The following MCC variants were observed in gnomAD, a reference collection of about 807,000 sequenced individuals.
MCC encodes MCC regulator of Wnt signaling pathway, also known as colorectal mutant cancer protein.
In MCC, 90 loss-of-function variants were observed where a neutral mutation model predicts 116.2. That is an observed-to-expected ratio of 0.77 (90% CI 0.65 to 0.92). MCC has a LOEUF of 0.92. MCC is among the 40% of genes least tolerant of loss of function. MCC has a pLI of 0.00. For missense variants in MCC, 1,516 were observed against 1,312.2 expected (o/e 1.16, Z -2.40); for synonymous variants, 578 against 510.5 (o/e 1.13, Z -1.78).
At chr5:113,473,289 C>T (rs1236102985) in intron 1 of MCC, among the ~76,000 whole-genome samples, 2 of 152,012 alleles carry the variant, frequency 1.3e-5, no homozygotes, top group Admixed American at 6.6e-5. Context: ...TTTGGGAGGA[C>T]AAGACAGGAG....
intron 3 of MCC, among the ~76,000 whole-genome samples, chr5:113,243,048 G>A (rs1000759649): frequency 1.3e-5 from 2 of 152,204 alleles, no homozygotes; most frequent in African/African-American, 2.4e-5. Context: ...AATATCCAAT[G>A]TAGTGGTCTA....
At chr5:113,145,828 A>C (rs1759484078) in intron 4 of MCC, among the ~76,000 whole-genome samples, 1 of 151,090 alleles carries the variant, frequency 6.6e-6, no homozygotes, top group African/African-American at 2.4e-5. Context: ...GGGGCTGCCC[A>C]GGATACCAGA....
chr5:113,346,616 AAC>A (rs1768139449), intron 2 of MCC, among the ~76,000 whole-genome samples: 2 of 63,944 alleles, frequency 3.1e-5, no homozygotes, highest in African/African-American at 2.9e-4. Flanking sequence ...ACAAACAAAC[AAC>A]AACAACAACA....
rs927878137 is a variant in MCC, at chr5:113,148,341, C to T, written c.741+2968G>A. On this transcript the variant is annotated intron_variant, in intron 4 of 18. Transcript: ENST00000408903. ...CCATCACATTGGTATTGGGCTCTTC[C>T]CTTCATATCACTATTTTCAAAACTC... 7.3e-5 allele frequency among the ~76,000 whole-genome samples: 11 copies of T among 151,078 alleles called. 1 individual carries two copies. In the Admixed American group the frequency reaches 7.3e-4, roughly 10 times the overall value.
intron 14 of MCC, among the ~76,000 whole-genome samples, chr5:113,057,104 C>T (rs1019051399): frequency 9.9e-5 from 15 of 151,982 alleles, no homozygotes; most frequent in African/African-American, 2.4e-4. Flanking sequence ...GCAGGGAGTG[C>T]GGCCAGCAGA....
At chr5:113,229,078 T>C (rs1245570462) in intron 3 of MCC, among the ~76,000 whole-genome samples, 1 of 152,180 alleles carries the variant, frequency 6.6e-6, no homozygotes, top group African/African-American at 2.4e-5. Flanking sequence ...CAGTATGGAC[T>C]TAGAGGTCAG....
intron 3 of MCC, among the ~76,000 whole-genome samples, chr5:113,186,071 G>A (rs1312269422): frequency 6.6e-6 from 1 of 152,064 alleles, no homozygotes; most frequent in Non-Finnish European, 1.5e-5. Flanking sequence ...CTAGTTTGTG[G>A]GACTGACTGA....
Position 113,025,630 on chromosome 5 carries a change from C to T in MCC, c.*1672G>A, listed in dbSNP as rs557859355. ...AAAAAATCACAGGAACTAACTTTGA[C>T]CAAATGATTGACAGAAACCAGTGAA... On this transcript the variant is annotated 3_prime_UTR_variant, in exon 19 of 19. Coordinates refer to ENST00000408903, the MANE Select transcript of MCC (RefSeq NM_001085377.2). 6.6e-6 allele frequency: 1 copy of T among 151,118 alleles called. No homozygotes were observed. The highest frequency in any genetic ancestry group is 2.1e-4 in the South Asian group (1 of 4,766). The allele number at this position is 151,118 out of a possible 1,614,324, so 9.4% of individuals were successfully genotyped here.
chr5:113,188,673 A>T (rs567348593), intron 3 of MCC, among the ~76,000 whole-genome samples: 1 of 152,318 alleles, frequency 6.6e-6, no homozygotes, highest in South Asian at 2.1e-4. Flanking sequence ...TGTAGTATGC[A>T]CACATCACCC....
chr5:113,267,120 T>C (rs971608189), intron 3 of MCC, among the ~76,000 whole-genome samples: 2 of 152,162 alleles, frequency 1.3e-5, no homozygotes, highest in Non-Finnish European at 2.9e-5. Flanking sequence ...CTCCCCTGTA[T>C]CCCAGGGCAC....
At chr5:113,375,419 C>G (rs1291607691) in intron 2 of MCC, among the ~76,000 whole-genome samples, 1 of 152,148 alleles carries the variant, frequency 6.6e-6, no homozygotes, top group Non-Finnish European at 1.5e-5. Flanking sequence ...GGATAATTCT[C>G]TATGTGTTTC....
intron 3 of MCC, among the ~76,000 whole-genome samples, chr5:113,240,834 G>T (rs1268061250): frequency 6.6e-6 from 1 of 152,202 alleles, no homozygotes; most frequent in East Asian, 1.9e-4. Context: ...GACCAGAGGA[G>T]CTGAGAACAC....
chr5:113,245,595 T>C (rs184300023), intron 3 of MCC, among the ~76,000 whole-genome samples: 175 of 152,252 alleles, frequency 1.1e-3, no homozygotes, highest in African/African-American at 4.0e-3. Flanking sequence ...GAATCCACTG[T>C]GAGAAACAAA....
At chr5:113,458,831 C>T (rs894837175) in intron 1 of MCC, among the ~76,000 whole-genome samples, 1 of 152,150 alleles carries the variant, frequency 6.6e-6, no homozygotes, top group Non-Finnish European at 1.5e-5. Context: ...CCAAAGTGGT[C>T]TGCCTTGTTT....
chr5:113,128,926 T>G (rs901006269), intron 5 of MCC, among the ~76,000 whole-genome samples: 3 of 152,186 alleles, frequency 2.0e-5, no homozygotes, highest in Non-Finnish European at 4.4e-5. Context: ...TATACCAAGA[T>G]GTACGTGATA....
At chr5:113,347,952 G>GA (rs1470704345) in intron 2 of MCC, among the ~76,000 whole-genome samples, 3 of 151,804 alleles carry the variant, frequency 2.0e-5, no homozygotes, top group Non-Finnish European at 2.9e-5. Flanking sequence ...TAGATTTCAA[G>GA]AAAAAACTAT....
chr5:113,454,647 T>C (rs1771494276), intron 1 of MCC, among the ~76,000 whole-genome samples: 1 of 152,168 alleles, frequency 6.6e-6, no homozygotes, highest in Admixed American at 6.6e-5. Flanking sequence ...TCCCACATTA[T>C]CAGCATTAAC....
In MCC at chr5:113,348,839, C is replaced by T. The variant is rs115775165; in HGVS notation, c.416-8109G>A. On this transcript the variant is annotated intron_variant, in intron 2 of 18. Transcript: ENST00000408903. ...AGACTAAGAATAAAAAAAGAGAAGACTCAAAGAAATGATATCAGAGGTGAA... is the reference window on the plus strand; with the variant it reads ...AGACTAAGAATAAAAAAAGAGAAGATTCAAAGAAATGATATCAGAGGTGAA... Among the ~76,000 whole-genome samples the T allele has an allele frequency of 3.0e-3, 456 of 151,824 alleles. 2 individuals are homozygous for T. The highest frequency in any genetic ancestry group is 0.01 in the African/African-American group (428 of 41,456).
At chr5:113,332,565 A>T (rs1378233800) in intron 3 of MCC, among the ~76,000 whole-genome samples, 2 of 34,596 alleles carry the variant, frequency 5.8e-5, no homozygotes, top group Non-Finnish European at 1.2e-4. Flanking sequence ...ACCTGTCTCC[A>T]AAAAAAAAAA....
Sources: gnomAD v4.1 joint callset for allele counts (sites outside exome capture counted in the v4.1 genomes callset) on GRCh38, gnomAD v4.1.1 for gene constraint, MANE v1.5 for transcripts, NCBI Gene and HGNC (gene_info 2026-07-23, HGNC 2026-07-21) for gene names.